The following ASAP2 variants were observed in gnomAD, a reference collection of about 807,000 sequenced individuals.
ASAP2 encodes the protein ArfGAP with SH3 domain, ankyrin repeat and PH domain 2.
ASAP2 carries 45 observed loss-of-function variants against 131.4 expected under a neutral mutation model. That is an observed-to-expected ratio of 0.34 (90% CI 0.27 to 0.44). The LOEUF (loss-of-function observed/expected upper bound fraction) is 0.44, where lower values mean the gene tolerates loss of function less well. Among genes scored for constraint, ASAP2 ranks in the 20% least tolerant of loss-of-function variants. The pLI is 1.00. For missense variants in ASAP2, 1,011 were observed against 1,297.0 expected (o/e 0.78, Z 3.39); for synonymous variants, 510 against 503.0 (o/e 1.01, Z -0.19).
intron 15 of ASAP2, among the ~76,000 whole-genome samples, chr2:9,361,969 C>A (rs1673111729): frequency 9.3e-6 from 1 of 107,774 alleles, no homozygotes; most frequent in Admixed American, 1.0e-4. Context: ...TTATCTCTTT[C>A]TCTGCGTGTG....
chr2:9,313,220 CTT>C (rs1444136440), intron 3 of ASAP2, among the ~76,000 whole-genome samples: 4 of 152,230 alleles, frequency 2.6e-5, no homozygotes, highest in Admixed American at 2.6e-4. Flanking sequence ...AGTGTTCACT[CTT>C]CTCCACTTGA....
intron 1 of ASAP2, among the ~76,000 whole-genome samples, chr2:9,235,313 A>G (rs60316313): frequency 4.6e-4 from 70 of 151,894 alleles, no homozygotes; most frequent in African/African-American, 1.6e-3. Context: ...TGCCCCGGGC[A>G]GAGTTGTTTT....
chr2:9,377,591 G>A (rs1558383454), intron 18 of ASAP2, among the ~76,000 whole-genome samples: 1 of 152,184 alleles, frequency 6.6e-6, no homozygotes, highest in Non-Finnish European at 1.5e-5. Flanking sequence ...GCTGAAGGCT[G>A]GACTTCAAGA....
intron 3 of ASAP2, among the ~76,000 whole-genome samples, chr2:9,317,760 G>A (rs538894124): frequency 4.1e-5 from 6 of 146,758 alleles, no homozygotes; most frequent in East Asian, 2.1e-4. Flanking sequence ...ACTCACATCC[G>A]TACACAATCA....
intron 26 of ASAP2, 41 bp downstream of exon 26, chr2:9,400,871 A>AG (rs1388373154): frequency 6.3e-7 from 1 of 1,577,840 alleles, no homozygotes; most frequent in South Asian, 1.1e-5. Context: ...TGCTCTAGCC[A>AG]GGGGGGTGCA....
chr2:9,313,170 A>T (rs1300423607), intron 3 of ASAP2, among the ~76,000 whole-genome samples: 1 of 152,202 alleles, frequency 6.6e-6, no homozygotes, highest in Non-Finnish European at 1.5e-5. Flanking sequence ...ATGAACGAAG[A>T]ACGAAAGCAA....
intron 12 of ASAP2, among the ~76,000 whole-genome samples, chr2:9,353,832 A>G (rs2715864): frequency 0.11 from 16,555 of 152,000 alleles, 2,546 homozygotes; most frequent in African/African-American, 0.34. Flanking sequence ...AATTGGGGCC[A>G]GGGGCAGTGG....
Position 9,242,106 on chromosome 2 carries a change from T to C in ASAP2, c.126+34876T>C, listed in dbSNP as rs143226789. 8.7e-4 allele frequency among the ~76,000 whole-genome samples: 133 copies of C among 152,298 alleles called. 1 individual carries two copies. Among genetic ancestry groups the C allele is most frequent in the South Asian group, 2.7e-3 (13 of 4,828 alleles). ...CCTCACAGGCGTTCGTTGTGTTTGCTATCTTGGAAGAGAGGGGGGAGGTCT... is the reference window on the plus strand; with the variant it reads ...CCTCACAGGCGTTCGTTGTGTTTGCCATCTTGGAAGAGAGGGGGGAGGTCT... On this transcript the variant is annotated intron_variant, in intron 1 of 27. Transcript: ENST00000281419.
intron 6 of ASAP2, among the ~76,000 whole-genome samples, chr2:9,327,598 A>G (rs7582857): frequency 0.31 from 46,876 of 152,024 alleles, 7,509 homozygotes; most frequent in Non-Finnish European, 0.36. Flanking sequence ...TCTTATTATT[A>G]GGAGTTTTTG....
At chr2:9,273,722 G>A (rs1214329189) in intron 1 of ASAP2, among the ~76,000 whole-genome samples, 1 of 152,168 alleles carries the variant, frequency 6.6e-6, no homozygotes, top group Non-Finnish European at 1.5e-5. Flanking sequence ...GGGGGCCACA[G>A]GACCAGATGA....
rs780224255 is a variant in ASAP2, at chr2:9,239,587, T to C, written c.126+32357T>C. Among the ~76,000 whole-genome samples, 22 of 152,168 alleles carry C rather than the reference T, an allele frequency of 1.4e-4. 1 individual carries two copies. The highest frequency in any genetic ancestry group is 2.9e-4 in the Non-Finnish European group (20 of 68,016). ...ATGAGAAAATTGAGGTCCAGCTTCTTGGAAGGTAAGAGAAATGAGTCCCAT... is the reference window on the plus strand; with the variant it reads ...ATGAGAAAATTGAGGTCCAGCTTCTCGGAAGGTAAGAGAAATGAGTCCCAT... On this transcript the variant is annotated intron_variant, in intron 1 of 27. Transcript: ENST00000281419.
chr2:9,255,042 A>G (rs567215226), intron 1 of ASAP2, among the ~76,000 whole-genome samples: 1 of 152,274 alleles, frequency 6.6e-6, no homozygotes, highest in South Asian at 2.1e-4. Context: ...TTTCATTTCC[A>G]CTAACCACGT....
At position 9,207,073 on chromosome 2, in the gene ASAP2, C is replaced by T. The variant is rs758647512; in HGVS notation, c.-32C>T. 3.2e-5 allele frequency: 49 copies of T among 1,516,158 alleles called. 1 individual carries two copies. In the East Asian group the frequency reaches 3.8e-4, roughly 12 times the overall value. The allele number at this position is 1,516,158 out of a possible 1,614,324, so 93.9% of individuals were successfully genotyped here. A position where few individuals can be genotyped will look rare whatever the true frequency, so the allele number is the denominator to read the frequency against. ...GGCAGTTGAGGCGGCGGCGCCCCTG[C>T]GGCTGTGCGCCAGCGCCCTCGCGCC... On this transcript the variant is annotated 5_prime_UTR_variant, in exon 1 of 28. Transcript: ENST00000281419. The surrounding 1 kb of genome is among the most constrained non-coding windows in gnomAD (Gnocchi z 4.1).
chr2:9,258,597 C>T (rs865810701), intron 1 of ASAP2, among the ~76,000 whole-genome samples: 1 of 152,140 alleles, frequency 6.6e-6, no homozygotes, highest in South Asian at 2.1e-4. Context: ...TTGCACAATG[C>T]ATGATTTTCA....
chr2:9,332,034 C>T (rs1306289925), intron 7 of ASAP2, among the ~76,000 whole-genome samples: 3 of 151,962 alleles, frequency 2.0e-5, no homozygotes, highest in African/African-American at 2.4e-5. Context: ...GTGTGTGGGG[C>T]CCAGAGAAGA....
intron 1 of ASAP2, among the ~76,000 whole-genome samples, chr2:9,250,070 T>C (rs1042278489): frequency 2.6e-5 from 4 of 152,220 alleles, no homozygotes; most frequent in African/African-American, 9.6e-5. Flanking sequence ...AGTTTTATCA[T>C]CTGTAACATG....
At chr2:9,388,567 C>G (rs980385216) in intron 22 of ASAP2, 21 bp downstream of exon 22, 2 of 1,604,766 alleles carry the variant, frequency 1.2e-6, no homozygotes, top group Non-Finnish European at 1.7e-6. Flanking sequence ...GTCCGTCATC[C>G]CTGTGAATAT....
At chr2:9,267,099 A>G (rs1665993213) in intron 1 of ASAP2, among the ~76,000 whole-genome samples, 1 of 152,218 alleles carries the variant, frequency 6.6e-6, no homozygotes, top group African/African-American at 2.4e-5. Context: ...TATCTTATAT[A>G]TACACACACA....
chr2:9,333,720 C>T (rs1558340100), intron 7 of ASAP2, among the ~76,000 whole-genome samples: 1 of 152,170 alleles, frequency 6.6e-6, no homozygotes, highest in Non-Finnish European at 1.5e-5. Context: ...TTAGAACTTT[C>T]TCCTTAGCTC....
Sources: gnomAD v4.1 joint callset for allele counts (sites outside exome capture counted in the v4.1 genomes callset) on GRCh38, gnomAD v4.1.1 for gene constraint, Gnocchi (gnomAD v3.1) non-coding constraint, MANE v1.5 for transcripts, NCBI Gene and HGNC (gene_info 2026-07-23, HGNC 2026-07-21) for gene names.